Variants in ACTA2 observed in about 807,000 individuals in gnomAD.
ACTA2 encodes actin alpha 2, smooth muscle.
ACTA2 carries 12 observed loss-of-function variants against 39.5 expected under a neutral mutation model. The observed-to-expected ratio is 0.30, with a 90% CI of 0.19 to 0.49. ACTA2 has a LOEUF of 0.49. ACTA2 is among the 20% of genes least tolerant of loss of function. The probability of loss-of-function intolerance (pLI) is 0.99; values close to 1 mark genes in which losing one functional copy is unlikely to be tolerated. For missense variants in ACTA2, 236 were observed against 498.8 expected, an observed-to-expected ratio of 0.47 and a Z score of 5.02; for synonymous variants, 158 against 180.6, an observed-to-expected ratio of 0.88 and a Z score of 1.00.
chr10:88,986,715 G>A (rs1424810916), intron 1 of ACTA2, among the ~76,000 whole-genome samples: 4 of 151,916 alleles, frequency 2.6e-5, no homozygotes, highest in African/African-American at 9.7e-5. Flanking sequence ...AGTGGTACAG[G>A]AAGGAAGTGG....
chr10:88,989,709 A>C, intron 1 of ACTA2: 1 of 394,842 alleles, frequency 2.5e-6, no homozygotes, highest in Non-Finnish European at 5.0e-6. Flanking sequence ...AAGGATGAAC[A>C]GTGGGCTAAG....
chr10:88,941,085 G>T, intron 6 of ACTA2, 144 bp downstream of exon 6: 1 of 1,005,292 alleles, frequency 9.9e-7, no homozygotes, highest in South Asian at 1.4e-5. Context: ...AGCAAAGAAA[G>T]ATGTGCTTTG....
At chr10:88,950,157 A>G (rs1846024064) in intron 1 of ACTA2, among the ~76,000 whole-genome samples, 1 of 152,218 alleles carries the variant, frequency 6.6e-6, no homozygotes, top group African/African-American at 2.4e-5. Flanking sequence ...GCCAGACATC[A>G]GGTACTCTTT....
At chr10:88,937,526 C>T (rs968998942) in intron 8 of ACTA2, among the ~76,000 whole-genome samples, 8 of 152,146 alleles carry the variant, frequency 5.3e-5, no homozygotes, top group Admixed American at 5.2e-4. Context: ...TGAGCTTGGT[C>T]ATCCTAGAGT....
chr10:88,936,274 T>C (rs1378674327), intron 8 of ACTA2, among the ~76,000 whole-genome samples: 1 of 152,216 alleles, frequency 6.6e-6, no homozygotes, highest in African/African-American at 2.4e-5. Flanking sequence ...AAACCTGGGT[T>C]CTCCCAGGTG....
intron 1 of ACTA2, among the ~76,000 whole-genome samples, chr10:88,949,968 G>C (rs1846020981): frequency 6.6e-6 from 1 of 151,892 alleles, no homozygotes; most frequent in African/African-American, 2.4e-5. Flanking sequence ...TTTATACTTG[G>C]ATCTTATACT....
chr10:88,945,998 C>T (rs923512330), intron 3 of ACTA2, among the ~76,000 whole-genome samples: 1 of 152,198 alleles, frequency 6.6e-6, no homozygotes, highest in Non-Finnish European at 1.5e-5. Flanking sequence ...TTGACGTGAG[C>T]AACAGATGAT....
At position 88,990,792 on chromosome 10, in the gene ACTA2, A is replaced by G. The variant is rs1286435110; in HGVS notation, c.-24+147T>C. 2 of 1,578,824 alleles carry G rather than the reference A, an allele frequency of 1.3e-6. No homozygotes were observed. Among genetic ancestry groups the G allele is most frequent in the South Asian group, 1.1e-5 (1 of 90,262 alleles). On this transcript the variant is annotated intron_variant, in intron 1 of 4. Coordinates refer to the ACTA2 transcript ENST00000415557. The surrounding 1 kb of genome is among the most constrained non-coding windows in gnomAD (Gnocchi z 4.9). ...AGGCCAGCCCTGGCTGCCCAGGCGG[A>G]GCTGCCTCTTCTCCCGCGGGTTGGT...
chr10:88,944,807 A>G (rs1021822757), intron 3 of ACTA2, among the ~76,000 whole-genome samples: 3 of 152,246 alleles, frequency 2.0e-5, no homozygotes, highest in Admixed American at 6.5e-5. Flanking sequence ...AGAACAAACC[A>G]TTGCAAAAAG....
At chr10:88,969,429 G>A (rs1165108821) in intron 1 of ACTA2, among the ~76,000 whole-genome samples, 2 of 152,168 alleles carry the variant, frequency 1.3e-5, no homozygotes, top group African/African-American at 4.8e-5. Context: ...ATTTGAAAAA[G>A]CCTACAAATC....
chr10:88,986,615 T>G (rs1016113622), intron 1 of ACTA2, among the ~76,000 whole-genome samples: 18 of 151,986 alleles, frequency 1.2e-4, no homozygotes, highest in African/African-American at 4.4e-4. Flanking sequence ...TTCAGGAATG[T>G]GAGCATGGAA....
intron 1 of ACTA2, among the ~76,000 whole-genome samples, chr10:88,984,267 C>T (rs116661584): frequency 0.011 from 1,633 of 152,252 alleles, 29 homozygotes; most frequent in African/African-American, 0.034. Flanking sequence ...AGGAGTCAAG[C>T]TAAGGCTGGT....
intron 1 of ACTA2, among the ~76,000 whole-genome samples, chr10:88,977,322 T>A (rs1316892965): frequency 7.2e-6 from 1 of 139,042 alleles, no homozygotes; most frequent in South Asian, 2.3e-4. Flanking sequence ...CTTTAATCCA[T>A]CTTGAATTGA....
intron 1 of ACTA2, among the ~76,000 whole-genome samples, chr10:88,963,285 A>T (rs1042684318): frequency 1.3e-5 from 2 of 152,032 alleles, no homozygotes; most frequent in African/African-American, 4.8e-5. Flanking sequence ...CTAATGTCTT[A>T]GTGTAAATTT....
At chr10:88,948,707 T>G in intron 2 of ACTA2, 95 bp downstream of exon 2, 1 of 1,566,958 alleles carries the variant, frequency 6.4e-7, no homozygotes, top group African/African-American at 1.4e-5. Context: ...GTTACATAAC[T>G]TCTGGGCAGA....
intron 1 of ACTA2, among the ~76,000 whole-genome samples, chr10:88,989,282 C>A (rs896163015): frequency 1.4e-4 from 21 of 152,096 alleles, no homozygotes; most frequent in Admixed American, 6.5e-4. Context: ...TCCCTCCTTC[C>A]ATTCCTTCTT....
At chr10:88,952,608 C>T (rs1229128976) in intron 1 of ACTA2, 123 bp downstream of exon 1, 2 of 152,226 alleles carry the variant, frequency 1.3e-5, no homozygotes, top group Non-Finnish European at 2.9e-5. Context: ...GTAGTACAAT[C>T]TTCATTCAGA....
chr10:88,974,788 T>G (rs1846526676), intron 1 of ACTA2: 1 of 152,232 alleles, frequency 6.6e-6, no homozygotes, highest in East Asian at 1.9e-4. Flanking sequence ...GGGATCCTGA[T>G]TAATGCTCTA....
At chr10:88,973,155 C>T (rs771742979) in intron 1 of ACTA2, 5 of 1,595,830 alleles carry the variant, frequency 3.1e-6, no homozygotes, top group East Asian at 4.5e-5. Flanking sequence ...ATCCTCTCAC[C>T]TTCCCTTTCT....
Sources: allele counts gnomAD v4.1 joint callset (sites outside exome capture counted in the v4.1 genomes callset), GRCh38; gene constraint gnomAD v4.1.1; non-coding constraint Gnocchi (gnomAD v3.1); transcripts MANE v1.5; gene names NCBI Gene and HGNC (gene_info 2026-07-23, HGNC 2026-07-21).